The following RYR3 variants were observed in gnomAD, a reference collection of about 807,000 sequenced individuals.
RYR3 encodes brain ryanodine receptor-calcium release channel.
In RYR3, 207 loss-of-function variants were observed where a neutral mutation model predicts 584.3. The ratio of observed to expected loss-of-function variants is 0.35; its 90% CI spans 0.32 to 0.40. The LOEUF (loss-of-function observed/expected upper bound fraction) is 0.40. Among genes scored for constraint, RYR3 ranks in the 10% least tolerant of loss-of-function variants. The pLI is 1.00. For missense variants in RYR3, 5,616 were observed against 6,089.2 expected, an observed-to-expected ratio of 0.92 and a Z score of 2.59; for synonymous variants, 2,416 against 2,248.5, an observed-to-expected ratio of 1.07 and a Z score of -2.11.
rs1455379085 is a variant in RYR3 at position 33,647,459 on chromosome 15, C to T, written c.3977C>T (p.Thr1326Ile). The change falls in exon 30 of 104, where the codon ACA becomes ATA. Residue 1326 changes from threonine (T) to isoleucine (I), a missense_variant and splice_region_variant. Physicochemically the swap from Thr to Ile is moderately conservative, Grantham distance 89. Around this residue, in one of 9 missense-constraint regions of RYR3, gnomAD observed 753 missense variants for 741.0 expected, o/e 1.02. Coordinates refer to ENST00000634891, the MANE Select transcript of RYR3 (RefSeq NM_001036.6). Reference protein sequence around the residue: ...QMQEILSHTTTQCYYAIRIFA... With the variant: ...QMQEILSHTTIQCYYAIRIFA... The stretch of plus-strand genomic sequence containing the variant: ...CAAGAAATACTCTCTCATACAACAA[C>T]AGTAAGTAAATGTGCTCAATTATGG... The T allele has an allele frequency of 6.2e-7, 1 of 1,600,066 alleles. No individual in the cohort carries two copies. The highest frequency in any genetic ancestry group is 2.2e-5 in the East Asian group (1 of 44,790).
intron 5 of RYR3, among the ~76,000 whole-genome samples, chr15:33,536,710 G>A (rs906617827): frequency 1.3e-5 from 2 of 152,170 alleles, no homozygotes; most frequent in African/African-American, 2.4e-5. Context: ...GTCATGTCAT[G>A]TTTAGTTTAA....
intron 1 of RYR3, among the ~76,000 whole-genome samples, chr15:33,413,273 G>A (rs1163554794): frequency 3.9e-5 from 6 of 152,184 alleles, no homozygotes; most frequent in Non-Finnish European, 8.8e-5. Flanking sequence ...TTTGTCTTGG[G>A]CAAGAGTTTG....
At chr15:33,484,742 G>A (rs369491369) in intron 2 of RYR3, among the ~76,000 whole-genome samples, 1 of 152,136 alleles carries the variant, frequency 6.6e-6, no homozygotes, top group Non-Finnish European at 1.5e-5. Context: ...GTGAAATAGG[G>A]CATATATTGG....
At chr15:33,334,616 G>A (rs1448249648) in intron 1 of RYR3, among the ~76,000 whole-genome samples, 2 of 152,096 alleles carry the variant, frequency 1.3e-5, no homozygotes, top group African/African-American at 4.8e-5. Flanking sequence ...CAGGAAATAG[G>A]CATAGGCAAA....
chr15:33,363,299 A>G (rs1320688461), intron 1 of RYR3, among the ~76,000 whole-genome samples: 5 of 152,070 alleles, frequency 3.3e-5, no homozygotes, highest in Non-Finnish European at 7.4e-5. Flanking sequence ...CAACTAAAAC[A>G]TCTTGGTTCT....
chr15:33,462,110 G>C (rs16971225), intron 1 of RYR3, among the ~76,000 whole-genome samples: 18,753 of 152,240 alleles, frequency 0.12, 1,480 homozygotes, highest in East Asian at 0.34. Flanking sequence ...TATTTTGCCT[G>C]TAAGTGACCT....
At chr15:33,858,182 C>CTATT (rs2079906612) in intron 99 of RYR3, 1 of 403,006 alleles carries the variant, frequency 2.5e-6, no homozygotes, top group Non-Finnish European at 4.4e-6. Context: ...CATCATTCAT[C>CTATT]TATTTCCGGG....
chr15:33,810,751 G>A, intron 71 of RYR3, 102 bp downstream of exon 71: 2 of 1,416,546 alleles, frequency 1.4e-6, no homozygotes, highest in Non-Finnish European at 1.9e-6. Flanking sequence ...GGGGCGGGGA[G>A]CAGATGCGCA....
At chr15:33,547,638 A>G (rs533367559) in intron 8 of RYR3, among the ~76,000 whole-genome samples, 4 of 152,384 alleles carry the variant, frequency 2.6e-5, no homozygotes, top group African/African-American at 9.6e-5. Flanking sequence ...AATCATGAAC[A>G]GTGTAACAAC....
chr15:33,801,709 C>G (rs1376058617), intron 68 of RYR3, among the ~76,000 whole-genome samples, 160 bp from the exon 69 acceptor site: 1 of 151,988 alleles, frequency 6.6e-6, no homozygotes, highest in Non-Finnish European at 1.5e-5. Flanking sequence ...CATGCCTGAC[C>G]CCCTCTTCCC....
chr15:33,664,587 G>GTATATA (rs879709155), intron 36 of RYR3, among the ~76,000 whole-genome samples: 21 of 42,634 alleles, frequency 4.9e-4, no homozygotes, highest in African/African-American at 1.6e-3. Context: ...GTGTGTGTGT[G>GTATATA]TGTATATATA....
chr15:33,842,352 C>G (rs2078424262), intron 91 of RYR3, among the ~76,000 whole-genome samples: 5 of 152,204 alleles, frequency 3.3e-5, no homozygotes. Flanking sequence ...GGGGACTTAG[C>G]CAATCCTGGT....
intron 8 of RYR3, among the ~76,000 whole-genome samples, chr15:33,544,781 G>C (rs2056112171): frequency 6.6e-6 from 1 of 152,082 alleles, no homozygotes; most frequent in Admixed American, 6.5e-5. Flanking sequence ...GACCCAGAAG[G>C]GTGCCTAGGA....
chr15:33,788,154 T>A lies in RYR3; in HGVS notation c.9590-64T>A, dbSNP rs1024711010. ...ATTCCACGGCCTCACCTTTCAGTCA[T>A]GTCTTTCATTTTCATCAATTGCCAT... On this transcript the variant is annotated intron_variant, in intron 66 of 103. Coordinates refer to ENST00000634891, the MANE Select transcript of RYR3 (RefSeq NM_001036.6). 19 of 1,602,228 alleles carry A rather than the reference T, an allele frequency of 1.2e-5. No homozygotes were observed. The African/African-American group carries it at 1.2e-4, about 10-fold the overall frequency.
chr15:33,743,130 A>T (rs1383542137), intron 52 of RYR3, among the ~76,000 whole-genome samples: 2 of 152,132 alleles, frequency 1.3e-5, no homozygotes. Flanking sequence ...GTAACAGTGG[A>T]CCCATGTCCA....
chr15:33,579,284 A>G (rs1404560938), intron 12 of RYR3, among the ~76,000 whole-genome samples: 2 of 152,196 alleles, frequency 1.3e-5, no homozygotes, highest in African/African-American at 2.4e-5. Context: ...CAACAAATGG[A>G]GTGAAGGAAA....
chr15:33,695,947 C>CTT lies in RYR3; in HGVS notation c.5861-245_5861-244dup, dbSNP rs1165160004. 8.7e-4 allele frequency among the ~76,000 whole-genome samples: 83 copies of CTT among 95,464 alleles called. 1 individual carries two copies. The highest frequency in any genetic ancestry group is 1.7e-3 in the African/African-American group (41 of 24,670). 62.6% of individuals were successfully genotyped at this position (95,464 alleles called of 152,430 possible). A position where few individuals can be genotyped will look rare whatever the true frequency, so the allele number is the denominator to read the frequency against. ...TACAGGCGTGTGCAACCACACCCAGCTTTTTTTTTTTTTTTTTTTTTTTTT... is the reference window on the plus strand; with the variant it reads ...TACAGGCGTGTGCAACCACACCCAGCTTTTTTTTTTTTTTTTTTTTTTTTTTT... On this transcript the variant is annotated intron_variant, in intron 38 of 103. Transcript: ENST00000634891.
At chr15:33,579,346 A>G (rs1361329065) in intron 12 of RYR3, among the ~76,000 whole-genome samples, 1 of 152,202 alleles carries the variant, frequency 6.6e-6, no homozygotes, top group Admixed American at 6.5e-5. Flanking sequence ...CAGAGATCTC[A>G]GAAGACACAT....
intron 60 of RYR3, among the ~76,000 whole-genome samples, chr15:33,765,632 CAAAAAAA>C (rs761552773): frequency 3.8e-3 from 234 of 60,952 alleles, no homozygotes; most frequent in Non-Finnish European, 6.8e-3. Context: ...GACTCCGTCT[CAAAAAAA>C]AAAAAAAAAA....
Sources: allele counts gnomAD v4.1 joint callset (sites outside exome capture counted in the v4.1 genomes callset), GRCh38; gene constraint gnomAD v4.1.1; regional missense constraint gnomAD v4.1.1; transcripts MANE v1.5; gene names NCBI Gene and HGNC (gene_info 2026-07-23, HGNC 2026-07-21).